LITAF: variants seen among roughly 807,000 people sequenced by gnomAD.
LITAF encodes lipopolysaccharide induced TNF factor, also known as lipopolysaccharide-induced tumor necrosis factor-alpha factor.
LITAF carries 9 observed loss-of-function variants against 14.5 expected under a neutral mutation model. That is an observed-to-expected ratio of 0.62 (90% CI 0.37 to 1.08). The LOEUF is 1.08. Among genes scored for constraint, LITAF ranks in the 50% least tolerant of loss-of-function variants. The probability of loss-of-function intolerance (pLI) is 0.01; values close to 1 mark genes in which losing one functional copy is unlikely to be tolerated. For missense variants in LITAF, 206 were observed against 213.4 expected, an observed-to-expected ratio of 0.97 and a Z score of 0.22; for synonymous variants, 98 against 88.2, an observed-to-expected ratio of 1.11 and a Z score of -0.62.
At chr16:11,639,549 C>A (rs1441651825), upstream of LITAF, among the ~76,000 whole-genome samples, 1 of 151,698 alleles carries the variant, frequency 6.6e-6, no homozygotes, top group African/African-American at 2.4e-5. Flanking sequence ...ATAGGTATTC[C>A]CCGTATAGTT....
chr16:11,603,210 T>C (rs1332620996), upstream of LITAF, among the ~76,000 whole-genome samples: 2 of 152,230 alleles, frequency 1.3e-5, no homozygotes, highest in Non-Finnish European at 2.9e-5. Flanking sequence ...ATTATACAAT[T>C]CTGTACTATT....
In LITAF at chr16:11,557,064, G is replaced by GC. The variant is rs2064282286; in HGVS notation, c.-5-330_-5-329insG. On this transcript the variant is annotated intron_variant, in intron 1 of 3. Coordinates refer to ENST00000622633, the MANE Select transcript of LITAF (RefSeq NM_001136472.2). ...CCATATCTGGTGTTTCTTCTTCGTT[G>GC]TTTTTTTTTGTTTGTTTTTTTGTGG... Among the ~76,000 whole-genome samples the GC allele has an allele frequency of 2.9e-5, 4 of 137,640 alleles. No individual in the cohort carries two copies. In the South Asian group the frequency reaches 8.7e-4, roughly 30 times the overall value. 90.3% of individuals were successfully genotyped at this position (137,640 alleles called of 152,430 possible). A position where few individuals can be genotyped will look rare whatever the true frequency, so the allele number is the denominator to read the frequency against.
At chr16:11,559,548 C>T (rs1421824546) in intron 1 of LITAF, among the ~76,000 whole-genome samples, 1 of 151,920 alleles carries the variant, frequency 6.6e-6, no homozygotes, top group African/African-American at 2.4e-5. Context: ...TGTAAAAATA[C>T]ACCCTGGGTT....
rs1216319147 is a variant in LITAF, at chr16:11,605,495, C to T, written c.85+28038G>A. Among the ~76,000 whole-genome samples, 8 of 151,790 alleles carry T rather than the reference C, an allele frequency of 5.3e-5. No homozygotes were observed. Among genetic ancestry groups the T allele is most frequent in the South Asian group, 4.1e-4 (2 of 4,820 alleles). On this transcript the variant is annotated intron_variant, in intron 3 of 3. Coordinates refer to the LITAF transcript ENST00000574848. This position sits in a 1 kb window ranked among gnomAD's most constrained non-coding sequence, Gnocchi z 4.7. ...CGTGTCTCTCTTTACAGCCCAGAGCCGCACAGGAGGGAGACTCCTAGGCAG... is the reference window on the plus strand; with the variant it reads ...CGTGTCTCTCTTTACAGCCCAGAGCTGCACAGGAGGGAGACTCCTAGGCAG...
At chr16:11,621,854 G>A (rs541591298) in intron 3 of LITAF, among the ~76,000 whole-genome samples, 7 of 151,992 alleles carry the variant, frequency 4.6e-5, no homozygotes, top group Non-Finnish European at 1.0e-4. Context: ...TCAGAGCTCC[G>A]GGGCAATGCA....
chr16:11,606,283 C>T (rs895845966), intron 3 of LITAF, among the ~76,000 whole-genome samples: 2 of 151,956 alleles, frequency 1.3e-5, no homozygotes, highest in Non-Finnish European at 2.9e-5. Flanking sequence ...ATCTGCCCAC[C>T]TCAGCCTCCC....
intron 1 of LITAF, among the ~76,000 whole-genome samples, chr16:11,572,746 C>G (rs186709900): frequency 6.6e-6 from 1 of 152,140 alleles, no homozygotes; most frequent in African/African-American, 2.4e-5. Flanking sequence ...CGTAGAACCC[C>G]GGCACAGAAA....
intron 1 of LITAF, among the ~76,000 whole-genome samples, chr16:11,576,554 A>AAAAAAAAAAAAAAAGAC (rs1555469756): frequency 1.1e-4 from 13 of 116,634 alleles, no homozygotes; most frequent in African/African-American, 1.7e-4. Flanking sequence ...AAAAAAAAAA[A>AAAAAAAAAAAAAAAGAC]AGAGAGAGAG....
intron 1 of LITAF, among the ~76,000 whole-genome samples, chr16:11,570,854 G>A (rs1044247949): frequency 1.3e-5 from 2 of 152,024 alleles, no homozygotes; most frequent in Non-Finnish European, 2.9e-5. Flanking sequence ...GGGGGTTGAG[G>A]CTGCAGTGAG....
chr16:11,561,628 G>A (rs2064366893), intron 1 of LITAF: 2 of 152,158 alleles, frequency 1.3e-5, no homozygotes, highest in African/African-American at 4.8e-5. Flanking sequence ...CATAACCGCT[G>A]GTTTGGAAGT....
upstream of LITAF, among the ~76,000 whole-genome samples, chr16:11,591,469 G>A (rs1044993926): frequency 6.6e-6 from 1 of 151,924 alleles, no homozygotes; most frequent in Admixed American, 6.6e-5. Context: ...ACAGGTATGA[G>A]CCACTGCACC....
chr16:11,572,113 C>T (rs924289890), intron 1 of LITAF, among the ~76,000 whole-genome samples: 7 of 151,894 alleles, frequency 4.6e-5, no homozygotes, highest in Admixed American at 2.0e-4. Flanking sequence ...AATAAACAAA[C>T]AAACAAATAA....
chr16:11,553,396 A>C lies in LITAF; in HGVS notation c.377+137T>G. 2.1e-6 allele frequency: 2 copies of C among 970,142 alleles called. No individual in the cohort carries two copies. Among genetic ancestry groups the C allele is most frequent in the Non-Finnish European group, 3.1e-6 (2 of 639,272 alleles). The allele number at this position is 970,142 out of a possible 1,614,324, so 60.1% of individuals were successfully genotyped here. ...ACTGTACTCCAGCCTGGGCGACAGA[A>C]CCAGATTCCATCTCAAAAAAAAACA... On this transcript the variant is annotated intron_variant, in intron 3 of 3. Transcript: ENST00000622633. This position sits in a 1 kb window ranked among gnomAD's most constrained non-coding sequence, Gnocchi z 7.7.
intron 1 of LITAF, among the ~76,000 whole-genome samples, chr16:11,562,382 C>G (rs1198503392): frequency 1.3e-5 from 2 of 151,192 alleles, no homozygotes; most frequent in Non-Finnish European, 2.9e-5. Context: ...CAAAGGGCCT[C>G]GCGTTTCCAT....
chr16:11,562,417 G>A (rs939115298), intron 1 of LITAF, among the ~76,000 whole-genome samples: 3 of 150,644 alleles, frequency 2.0e-5, no homozygotes, highest in African/African-American at 7.3e-5. Flanking sequence ...CAGAAATTAA[G>A]TAGCCAAATG....
rs751268258 is a variant in LITAF, at chr16:11,556,748, C to T, written c.-5-13G>A. 3.8e-6 allele frequency: 6 copies of T among 1,595,998 alleles called. No individual in the cohort carries two copies. Among genetic ancestry groups the T allele is most frequent in the African/African-American group, 2.7e-5 (2 of 74,672 alleles). On this transcript the variant is annotated splice_polypyrimidine_tract_variant and intron_variant, in intron 1 of 3. Transcript: ENST00000622633. ...ACCGACATTTTACCTAAAACAGAAA[C>T]AGAACATACCAGATAAGAAATTCAG...
chr16:11,566,383 T>G (rs1158522533), intron 1 of LITAF, among the ~76,000 whole-genome samples: 1 of 152,154 alleles, frequency 6.6e-6, no homozygotes, highest in African/African-American at 2.4e-5. Context: ...CTGGGACAAG[T>G]TGGTCACTCT....
Position 11,570,956 on chromosome 16 carries a change from G to T in LITAF, c.-5-14221C>A, listed in dbSNP as rs944744276. Among the ~76,000 whole-genome samples, 6 of 152,000 alleles carry T rather than the reference G, an allele frequency of 3.9e-5. No homozygotes were observed. The East Asian group carries it at 5.8e-4, about 15-fold the overall frequency. On this transcript the variant is annotated intron_variant, in intron 1 of 3. Transcript: ENST00000622633. ...AAAAAGGAAGCTGTTGGCTTTGAAG[G>T]GGGAGGAAGGAGCCATAAATTAAGA...
At chr16:11,583,033 A>G (rs143796567) in intron 1 of LITAF, among the ~76,000 whole-genome samples, 192 of 152,330 alleles carry the variant, frequency 1.3e-3, no homozygotes, top group African/African-American at 4.0e-3. Context: ...AGGAAGGTAG[A>G]CAAAAGGGGA....
Sources: gnomAD v4.1 joint callset for allele counts (sites outside exome capture counted in the v4.1 genomes callset) on GRCh38, gnomAD v4.1.1 for gene constraint, Gnocchi (gnomAD v3.1) non-coding constraint, MANE v1.5 for transcripts, NCBI Gene and HGNC (gene_info 2026-07-23, HGNC 2026-07-21) for gene names.